GABRG3: variants seen among roughly 807,000 people sequenced by gnomAD.
GABRG3 encodes the protein gamma-aminobutyric acid type A receptor subunit gamma3.
GABRG3 carries 25 observed loss-of-function variants against 48.8 expected under a neutral mutation model. The observed-to-expected ratio is 0.51, with a 90% CI of 0.37 to 0.72. The LOEUF (loss-of-function observed/expected upper bound fraction) is 0.72, where lower values mean the gene tolerates loss of function less well. Among genes scored for constraint, GABRG3 ranks in the 30% least tolerant of loss-of-function variants. GABRG3 has a pLI of 0.00. For missense variants in GABRG3, 394 were observed against 577.9 expected, an observed-to-expected ratio of 0.68 and a Z score of 3.26; for synonymous variants, 227 against 217.6, an observed-to-expected ratio of 1.04 and a Z score of -0.38.
At chr15:27,493,883 T>C (rs1890418319) in intron 6 of GABRG3, among the ~76,000 whole-genome samples, 1 of 152,132 alleles carries the variant, frequency 6.6e-6, no homozygotes, top group Admixed American at 6.6e-5. Flanking sequence ...GGCACCTCAG[T>C]AAGAGGGAAA....
intron 2 of GABRG3, among the ~76,000 whole-genome samples, chr15:26,980,296 A>G (rs1895029150): frequency 6.6e-6 from 1 of 152,054 alleles, no homozygotes; most frequent in South Asian, 2.1e-4. Flanking sequence ...TTTGTTCCCA[A>G]TTACATCAAT....
At chr15:27,279,621 T>C (rs921107199) in intron 3 of GABRG3, among the ~76,000 whole-genome samples, 2 of 152,228 alleles carry the variant, frequency 1.3e-5, no homozygotes, top group Non-Finnish European at 2.9e-5. Flanking sequence ...TATTGATCGA[T>C]GTTTCTCTTC....
intron 3 of GABRG3, among the ~76,000 whole-genome samples, chr15:27,054,427 TAAAC>T (rs900404131): frequency 5.3e-5 from 8 of 151,486 alleles, no homozygotes; most frequent in South Asian, 2.1e-4. Flanking sequence ...AAAATAGAAA[TAAAC>T]AAGGAAGAAG....
intron 5 of GABRG3, among the ~76,000 whole-genome samples, chr15:27,471,572 G>A (rs1177176839): frequency 2.6e-5 from 4 of 152,146 alleles, no homozygotes; most frequent in African/African-American, 9.7e-5. Context: ...GTGAACACAG[G>A]CAGCTTGGAG....
intron 3 of GABRG3, among the ~76,000 whole-genome samples, chr15:27,104,081 C>G (rs1228672694): frequency 6.6e-6 from 1 of 152,202 alleles, no homozygotes; most frequent in Non-Finnish European, 1.5e-5. Flanking sequence ...TTGTACCTTA[C>G]TTGTTTATCG....
At chr15:27,150,162 T>G (rs1159078344) in intron 3 of GABRG3, among the ~76,000 whole-genome samples, 2 of 152,250 alleles carry the variant, frequency 1.3e-5, no homozygotes, top group African/African-American at 4.8e-5. Flanking sequence ...GTTGACCTTC[T>G]TTCTTTCCTT....
chr15:27,243,707 A>G (rs1383004964), intron 3 of GABRG3, among the ~76,000 whole-genome samples: 1 of 152,098 alleles, frequency 6.6e-6, no homozygotes, highest in Non-Finnish European at 1.5e-5. Context: ...GCCATTGTCT[A>G]TTTGCATATT....
At chr15:27,340,272 T>C (rs1894125199) in intron 5 of GABRG3, among the ~76,000 whole-genome samples, 1 of 152,182 alleles carries the variant, frequency 6.6e-6, no homozygotes, top group African/African-American at 2.4e-5. Flanking sequence ...CTCTGCGGCC[T>C]CTGGAATTCC....
intron 3 of GABRG3, among the ~76,000 whole-genome samples, chr15:27,228,748 G>C (rs1889703847): frequency 6.6e-6 from 1 of 152,058 alleles, no homozygotes; most frequent in African/African-American, 2.4e-5. Context: ...ACTTTTTACT[G>C]ATAGCCATTC....
Position 26,986,748 on chromosome 15 carries a change from T to C in GABRG3, c.202+9598T>C, listed in dbSNP as rs1440348033. 2.0e-5 allele frequency among the ~76,000 whole-genome samples: 3 copies of C among 152,240 alleles called. No homozygotes were observed. In the East Asian group the frequency reaches 5.8e-4, roughly 29 times the overall value. The stretch of plus-strand genomic sequence containing the variant: ...CCTGAGGTATAATCTAGTGCTGGTC[T>C]TGATTTGAATATTCAGCTCAGTTCA... On this transcript the variant is annotated intron_variant, in intron 2 of 9. Transcript: ENST00000615808.
In GABRG3 at chr15:27,352,277, A is replaced by G. The variant is rs371187548; in HGVS notation, c.574+23389A>G. Among the ~76,000 whole-genome samples the G allele has an allele frequency of 5.3e-4, 81 of 152,040 alleles. 1 individual carries two copies. In the South Asian group the frequency reaches 8.1e-3, roughly 15 times the overall value. ...TCTCCGTCTCGCGCTCACTGTTCAC[A>G]GCGTAAATCCAGACCCATAGTGAGA... is the stretch of plus-strand genomic sequence containing the variant. On this transcript the variant is annotated intron_variant, in intron 5 of 9. Coordinates refer to ENST00000615808, the MANE Select transcript of GABRG3 (RefSeq NM_033223.5). The surrounding 1 kb of genome is among the most constrained non-coding windows in gnomAD (Gnocchi z 4.0).
At chr15:27,373,657 A>T (rs10152137) in intron 5 of GABRG3, among the ~76,000 whole-genome samples, 21,165 of 152,210 alleles carry the variant, frequency 0.14, 2,149 homozygotes, top group African/African-American at 0.28. Context: ...ATTACTAAAA[A>T]AAAATTACTT....
intron 3 of GABRG3, among the ~76,000 whole-genome samples, chr15:27,058,021 G>A (rs1595498412): frequency 6.6e-6 from 1 of 152,102 alleles, no homozygotes; most frequent in Non-Finnish European, 1.5e-5. Flanking sequence ...TGAATCTGCC[G>A]ACAGTTCTCA....
chr15:27,328,965 C>A, intron 5 of GABRG3, 77 bp downstream of exon 5: 2 of 1,167,048 alleles, frequency 1.7e-6, no homozygotes, highest in South Asian at 1.3e-5. Context: ...GTCAAACAGT[C>A]ATGTGATTGA....
At chr15:27,344,257 G>A (rs1011903958) in intron 5 of GABRG3, among the ~76,000 whole-genome samples, 1 of 152,196 alleles carries the variant, frequency 6.6e-6, no homozygotes, top group African/African-American at 2.4e-5. Flanking sequence ...GAGACACTGG[G>A]GCCAAGGCCC....
chr15:27,254,072 C>T (rs1890539867), intron 3 of GABRG3, among the ~76,000 whole-genome samples: 1 of 152,206 alleles, frequency 6.6e-6, no homozygotes, highest in Admixed American at 6.5e-5. Context: ...TGAAGAGTCT[C>T]TGAGTTTCTT....
At chr15:27,527,839 G>C in intron 8 of GABRG3, 94 bp from the exon 9 acceptor site, 2 of 1,094,446 alleles carry the variant, frequency 1.8e-6, no homozygotes, top group South Asian at 2.8e-5. Flanking sequence ...GACGTGGCTT[G>C]GTTTAGTCAT....
chr15:27,100,633 C>A lies in GABRG3; in HGVS notation c.270+73812C>A, dbSNP rs1226092733. On this transcript the variant is annotated intron_variant, in intron 3 of 9. Transcript: ENST00000615808. Reference sequence around the variant, plus strand: ...GTTTAAAAGAATTATACATCATGACCAGGTGGGATTTCTTTCAGGTATAGA... The same window carrying A: ...GTTTAAAAGAATTATACATCATGACAAGGTGGGATTTCTTTCAGGTATAGA... 3.9e-5 allele frequency among the ~76,000 whole-genome samples: 6 copies of A among 152,034 alleles called. No homozygotes were observed. In the East Asian group the frequency reaches 1.2e-3, roughly 29 times the overall value.
At chr15:27,361,071 A>C (rs1895007342) in intron 5 of GABRG3, among the ~76,000 whole-genome samples, 1 of 152,218 alleles carries the variant, frequency 6.6e-6, no homozygotes, top group African/African-American at 2.4e-5. Flanking sequence ...CTCATAGCAA[A>C]GCCCTGGCAA....
Sources: gnomAD v4.1 joint callset for allele counts (sites outside exome capture counted in the v4.1 genomes callset) on GRCh38, gnomAD v4.1.1 for gene constraint, Gnocchi (gnomAD v3.1) non-coding constraint, MANE v1.5 for transcripts, NCBI Gene and HGNC (gene_info 2026-07-23, HGNC 2026-07-21) for gene names.